Variants in PHTF2 observed in about 807,000 individuals in gnomAD.
PHTF2 encodes the protein protein PHTF2.
In PHTF2, 60 loss-of-function variants were observed where a neutral mutation model predicts 101.2. That is an observed-to-expected ratio of 0.59 (90% CI 0.48 to 0.73). The LOEUF is 0.73. Ranked by LOEUF, PHTF2 falls within the 30% of genes least tolerant of loss-of-function variation. PHTF2 has a pLI of 0.00. For missense variants in PHTF2, 747 were observed against 908.7 expected (o/e 0.82, Z 2.29); for synonymous variants, 311 against 307.3 (o/e 1.01, Z -0.13).
chr7:77,940,351 A>T, intron 14 of PHTF2, 49 bp downstream of exon 13: 1 of 1,470,254 alleles, frequency 6.8e-7, no homozygotes, highest in Non-Finnish European at 9.2e-7. Flanking sequence ...CGTTTTCATA[A>T]TATTAAAAGT....
intron 12 of PHTF2, among the ~76,000 whole-genome samples, chr7:77,933,007 G>A (rs1208554059): frequency 2.0e-5 from 3 of 152,134 alleles, no homozygotes; most frequent in African/African-American, 7.2e-5. Flanking sequence ...GGGAGGCCGA[G>A]GCGGGTGGAT....
intron 3 of PHTF2, among the ~76,000 whole-genome samples, chr7:77,871,248 T>C (rs983831027): frequency 2.6e-5 from 4 of 152,334 alleles, no homozygotes; most frequent in South Asian, 2.1e-4. Flanking sequence ...CATGGTGATA[T>C]TAAGAGACGC....
intron 3 of PHTF2, among the ~76,000 whole-genome samples, chr7:77,885,297 G>A (rs970297795): frequency 2.6e-5 from 4 of 151,984 alleles, no homozygotes; most frequent in Non-Finnish European, 1.5e-5. Flanking sequence ...GGGTCTCACT[G>A]TGTTGTCCAG....
intron 1 of PHTF2, among the ~76,000 whole-genome samples, chr7:77,820,226 G>A (rs1329405711): frequency 6.6e-6 from 1 of 152,132 alleles, no homozygotes; most frequent in Non-Finnish European, 1.5e-5. Context: ...CTGGTTACTT[G>A]TTATTGGTCT....
chr7:77,944,092 T>TAAGATAATAAAGGGCC (rs1805856172), intron 16 of PHTF2, among the ~76,000 whole-genome samples: 2 of 151,914 alleles, frequency 1.3e-5, no homozygotes, highest in Admixed American at 1.3e-4. Flanking sequence ...TCTGAGTTCA[T>TAAGATAATAAAGGGCC]AAGATAATAA....
chr7:77,890,690 C>T lies in PHTF2; in HGVS notation c.148-2918C>T, dbSNP rs1158074931. 3.4e-5 allele frequency among the ~76,000 whole-genome samples: 5 copies of T among 146,706 alleles called. No individual in the cohort carries two copies. The East Asian group carries it at 1.0e-3, about 29-fold the overall frequency. Reference sequence around the variant, plus strand: ...GCGCAATCTCGGCTCACCGCAAGCTCCGCCTCCCGGGTTCACGCCATTCTC... The same window carrying T: ...GCGCAATCTCGGCTCACCGCAAGCTTCGCCTCCCGGGTTCACGCCATTCTC... On this transcript the variant is annotated intron_variant, in intron 3 of 19. Transcript: ENST00000416283.
intron 7 of PHTF2, 24 bp downstream of exon 6, chr7:77,901,944 TTACTTTTCAGA>T (rs1801432103): frequency 1.4e-6 from 2 of 1,463,474 alleles, no homozygotes; most frequent in African/African-American, 1.4e-5. Context: ...ATTTTTGCTT[TTACTTTTCAGA>T]ATGTTACATT....
intron 16 of PHTF2, among the ~76,000 whole-genome samples, chr7:77,945,509 T>C (rs570234658): frequency 6.8e-6 from 1 of 147,904 alleles, no homozygotes; most frequent in South Asian, 2.1e-4. Flanking sequence ...TCTGATACTA[T>C]ACAGACCACA....
At chr7:77,944,868 C>T (rs139497964) in intron 16 of PHTF2, among the ~76,000 whole-genome samples, 1 of 152,270 alleles carries the variant, frequency 6.6e-6, no homozygotes, top group African/African-American at 2.4e-5. Context: ...ACTGCTGGAA[C>T]AAAGTCACTG....
At chr7:77,929,127 A>T (rs1322886493) in exon 12 of PHTF2, 1 of 1,613,376 alleles carries the variant, frequency 6.2e-7, no homozygotes, top group Non-Finnish European at 8.5e-7. Flanking sequence ...TAAATCGGGT[A>T]CTAGTTGCAG....
intron 3 of PHTF2, among the ~76,000 whole-genome samples, chr7:77,867,798 G>A (rs960623446): frequency 6.6e-6 from 1 of 152,180 alleles, no homozygotes; most frequent in Non-Finnish European, 1.5e-5. Flanking sequence ...GTGATAGACA[G>A]TGTAATAAAG....
At chr7:77,938,964 T>C (rs1428513280) in intron 13 of PHTF2, among the ~76,000 whole-genome samples, 1 of 152,166 alleles carries the variant, frequency 6.6e-6, no homozygotes, top group Non-Finnish European at 1.5e-5. Context: ...CATATCTCAG[T>C]GTGAGCAATT....
At chr7:77,815,134 A>G (rs1793756298) in intron 1 of PHTF2, among the ~76,000 whole-genome samples, 1 of 152,138 alleles carries the variant, frequency 6.6e-6, no homozygotes, top group African/African-American at 2.4e-5. Flanking sequence ...AGCCAAAAAC[A>G]GGACACTACA....
chr7:77,878,708 A>C (rs1388199154), intron 3 of PHTF2, among the ~76,000 whole-genome samples: 1 of 152,226 alleles, frequency 6.6e-6, no homozygotes, highest in African/African-American at 2.4e-5. Flanking sequence ...GGAGTCAGCT[A>C]TGTCAGATTT....
chr7:77,846,885 C>T (rs2150601992), intron 2 of PHTF2, among the ~76,000 whole-genome samples: 1 of 152,140 alleles, frequency 6.6e-6, no homozygotes, highest in African/African-American at 2.4e-5. Context: ...TCAAGTGATC[C>T]TTTTGCCTCA....
chr7:77,895,165 T>C, intron 5 of PHTF2: 1 of 456,096 alleles, frequency 2.2e-6, no homozygotes, highest in South Asian at 1.6e-5. Context: ...ATTTGAGAGT[T>C]CTCAGTTTAT....
intron 1 of PHTF2, among the ~76,000 whole-genome samples, chr7:77,825,226 G>A (rs2150531774): frequency 6.6e-6 from 1 of 152,288 alleles, no homozygotes; most frequent in South Asian, 2.1e-4. Context: ...ACTTCAAAAA[G>A]TGGAAGGTAA....
At chr7:77,947,860 CAG>C (rs1209671673) in intron 16 of PHTF2, among the ~76,000 whole-genome samples, 14 of 10,910 alleles carry the variant, frequency 1.3e-3, no homozygotes, top group East Asian at 0.011. Context: ...TTTTTTGAGA[CAG>C]AGTCTTTGCT....
Position 77,936,356 on chromosome 7 carries a change from C to T in PHTF2, c.1339-1354C>T, listed in dbSNP as rs146935869. On this transcript the variant is annotated intron_variant, in intron 12 of 19. Transcript: ENST00000416283. The stretch of plus-strand genomic sequence containing the variant: ...TATTTTATAAAATTTGAGGTTGCTA[C>T]GAATGCCAAAACTATTGTTTTTAGA... Among the ~76,000 whole-genome samples the T allele has an allele frequency of 8.3e-3, 1,260 of 152,160 alleles. 57 individuals are homozygous for T. Among genetic ancestry groups the T allele is most frequent in the Admixed American group, 0.074 (1,139 of 15,294 alleles).
Sources: gnomAD v4.1 joint callset for allele counts (sites outside exome capture counted in the v4.1 genomes callset) on GRCh38, gnomAD v4.1.1 for gene constraint, MANE v1.5 for transcripts, NCBI Gene and HGNC (gene_info 2026-07-23, HGNC 2026-07-21) for gene names.